The following TMEM62 variants were observed in gnomAD, a reference collection of about 807,000 sequenced individuals.
TMEM62 encodes transmembrane protein 62.
TMEM62 carries 41 observed loss-of-function variants against 70.4 expected under a neutral mutation model. The observed-to-expected ratio is 0.58, with a 90% CI of 0.45 to 0.76. The LOEUF (loss-of-function observed/expected upper bound fraction) is 0.76. Ranked by LOEUF, TMEM62 falls within the 30% of genes least tolerant of loss-of-function variation. The pLI is 0.00. For synonymous variants in TMEM62, 268 were observed against 291.0 expected, an observed-to-expected ratio of 0.92 and a Z score of 0.80; for missense variants, 688 against 788.5, an observed-to-expected ratio of 0.87 and a Z score of 1.53.
At chr15:43,168,655 T>C (rs1239424144) in intron 10 of TMEM62, among the ~76,000 whole-genome samples, 1 of 152,140 alleles carries the variant, frequency 6.6e-6, no homozygotes, top group Non-Finnish European at 1.5e-5. Flanking sequence ...GAGTCTCTCT[T>C]TGAGCTGCAC....
rs1485144778 is a variant in TMEM62 at position 43,133,729 on chromosome 15, G to A, written c.-74G>A. On this transcript the variant is annotated 5_prime_UTR_variant, in exon 1 of 14. Transcript: ENST00000260403. ...GCGACAATAGAGTCCGGAAGTGCAG[G>A]CAAAGCGGCTCCCGGGAGCGCCGCG... is the stretch of plus-strand genomic sequence containing the variant. 3 of 1,100,422 alleles carry A rather than the reference G, an allele frequency of 2.7e-6. No homozygotes were observed. Among genetic ancestry groups the A allele is most frequent in the African/African-American group, 3.3e-5 (2 of 60,692 alleles). 68.2% of individuals were successfully genotyped at this position (1,100,422 alleles called of 1,614,324 possible).
chr15:43,152,894 G>A (rs963247232), intron 8 of TMEM62, among the ~76,000 whole-genome samples: 2 of 152,098 alleles, frequency 1.3e-5, no homozygotes, highest in Admixed American at 1.3e-4. Context: ...ACTTCTAATA[G>A]AACTATTATT....
At chr15:43,165,463 G>A (rs1417238705) in intron 10 of TMEM62, among the ~76,000 whole-genome samples, 1 of 152,108 alleles carries the variant, frequency 6.6e-6, no homozygotes, top group Non-Finnish European at 1.5e-5. Context: ...GCTGGGTGCG[G>A]TGGCTCACGC....
At chr15:43,183,625 G>T (rs753808818) in intron 13 of TMEM62, among the ~76,000 whole-genome samples, 3 of 151,562 alleles carry the variant, frequency 2.0e-5, no homozygotes, top group Non-Finnish European at 4.4e-5. Flanking sequence ...AACTAATCAC[G>T]ATCTGTAATT....
chr15:43,173,211 C>G (rs2081382516), intron 11 of TMEM62, among the ~76,000 whole-genome samples: 1 of 152,168 alleles, frequency 6.6e-6, no homozygotes, highest in Admixed American at 6.5e-5. Flanking sequence ...AACAAAACAA[C>G]CCATTAATTA....
intron 8 of TMEM62, among the ~76,000 whole-genome samples, chr15:43,154,180 G>A (rs920801995): frequency 6.6e-6 from 1 of 152,072 alleles, no homozygotes; most frequent in African/African-American, 2.4e-5. Context: ...GTTTTTTGGT[G>A]GGAGCTGGAT....
chr15:43,144,888 C>G (rs1275908795), intron 4 of TMEM62, among the ~76,000 whole-genome samples: 2 of 151,864 alleles, frequency 1.3e-5, no homozygotes, highest in African/African-American at 2.4e-5. Context: ...AAGTTTCTTA[C>G]CTTTGTATTT....
At chr15:43,135,028 T>C (rs1239543620) in intron 2 of TMEM62, among the ~76,000 whole-genome samples, 2 of 152,222 alleles carry the variant, frequency 1.3e-5, no homozygotes. Flanking sequence ...TAAAAAGTTT[T>C]CTGTTTAGTT....
chr15:43,164,345 G>T (rs770270962), intron 10 of TMEM62, among the ~76,000 whole-genome samples: 4 of 152,056 alleles, frequency 2.6e-5, no homozygotes, highest in Admixed American at 6.6e-5. Context: ...CTCAAGATGT[G>T]AGTGGTTTAT....
At chr15:43,139,483 T>A (rs1349763006) in intron 4 of TMEM62, among the ~76,000 whole-genome samples, 1 of 152,200 alleles carries the variant, frequency 6.6e-6, no homozygotes, top group African/African-American at 2.4e-5. Flanking sequence ...TGAGGAAGGC[T>A]GTTGAAAGGC....
In TMEM62 at chr15:43,178,596, A is replaced by G; in HGVS notation, c.1382-11A>G. The G allele has an allele frequency of 6.4e-7, 1 of 1,570,570 alleles. No individual in the cohort carries two copies. Among genetic ancestry groups the G allele is most frequent in the African/African-American group, 1.4e-5 (1 of 73,886 alleles). ...TGTGTTCACTGGGTTTTTCAACTTT[A>G]TGTTTTTTAGAACCTTCAGGGTTTA... On this transcript the variant is annotated splice_polypyrimidine_tract_variant and intron_variant, in intron 11 of 13. Transcript: ENST00000260403.
chr15:43,155,222 C>A (rs1265780404), intron 9 of TMEM62, among the ~76,000 whole-genome samples: 1 of 152,060 alleles, frequency 6.6e-6, no homozygotes, highest in East Asian at 1.9e-4. Flanking sequence ...AGAGCCAGAC[C>A]CTGTCTCAAA....
intron 10 of TMEM62, among the ~76,000 whole-genome samples, chr15:43,167,572 C>T (rs1197030790): frequency 5.3e-5 from 8 of 151,532 alleles, no homozygotes; most frequent in East Asian, 3.9e-4. Context: ...GGATGGCGGC[C>T]GGGAAGAGGC....
chr15:43,133,552 G>A, upstream of TMEM62: 2 of 353,704 alleles, frequency 5.7e-6, no homozygotes, highest in East Asian at 4.2e-5. Flanking sequence ...TCTCTTTTCT[G>A]TGATCGTATT....
At chr15:43,184,111 G>T (rs1265134751) in intron 13 of TMEM62, 149 bp from the exon 14 acceptor site, 1 of 656,928 alleles carries the variant, frequency 1.5e-6, no homozygotes, top group Non-Finnish European at 2.6e-6. Context: ...CCACAAGTCA[G>T]CTGTTGTGTT....
Position 43,151,881 on chromosome 15 carries a change from T to A in TMEM62, c.958T>A (p.Ser320Thr). 6 of 1,613,878 alleles carry A rather than the reference T, an allele frequency of 3.7e-6. No homozygotes were observed. The highest frequency in any genetic ancestry group is 5.1e-6 in the Non-Finnish European group (6 of 1,179,844). The change falls in exon 8 of 14, where the codon TCA (serine) becomes ACA (threonine). Residue 320 changes from serine to threonine, a missense_variant. Coordinates refer to ENST00000260403, the MANE Select transcript of TMEM62 (RefSeq NM_024956.4). ...TGTGGTTCTTATCACCAATCCTAAA[T>A]CACTCCTTTATAGTTGTGGTGAACA... The part of the protein sequence containing the change: ...WPVVLITNPK[S>T]LLYSCGEHEP...
rs183197941 is a variant in TMEM62, at chr15:43,174,123, G to A, written c.1381+4446G>A. 1.2e-3 allele frequency among the ~76,000 whole-genome samples: 183 copies of A among 151,984 alleles called. 2 individuals are homozygous for A. The East Asian group carries it at 0.017, about 14-fold the overall frequency. ...AGGTGGATCCGCCTACCTCAGACTC[G>A]CAAAGTGCTGGGATTACAGGCTTGA... On this transcript the variant is annotated intron_variant, in intron 11 of 13. Coordinates refer to ENST00000260403, the MANE Select transcript of TMEM62 (RefSeq NM_024956.4).
chr15:43,175,287 T>A (rs2040604606), intron 11 of TMEM62, among the ~76,000 whole-genome samples: 1 of 152,240 alleles, frequency 6.6e-6, no homozygotes, highest in Non-Finnish European at 1.5e-5. Flanking sequence ...AGGCTTTGCA[T>A]AAAATGAAGT....
chr15:43,145,462 T>C lies in TMEM62; in HGVS notation c.477-1031T>C, dbSNP rs565701374. On this transcript the variant is annotated intron_variant, in intron 4 of 13. Transcript: ENST00000260403. ...CCTCGTGATCCGCCTACCTCGGCCT[T>C]CCAAAGTGCTGGGATTACAGGCGGG... Among the ~76,000 whole-genome samples, 101 of 152,128 alleles carry C rather than the reference T, an allele frequency of 6.6e-4. 1 individual carries two copies. The highest frequency in any genetic ancestry group is 2.3e-3 in the African/African-American group (96 of 41,526).
Sources: gnomAD v4.1 joint callset for allele counts (sites outside exome capture counted in the v4.1 genomes callset) on GRCh38, gnomAD v4.1.1 for gene constraint, MANE v1.5 for transcripts, NCBI Gene and HGNC (gene_info 2026-07-23, HGNC 2026-07-21) for gene names.